The following KCND1 variants were observed in gnomAD, a reference collection of about 807,000 sequenced individuals.
KCND1 encodes A-type voltage-gated potassium channel KCND1.
In KCND1, 11 loss-of-function variants were observed where a neutral mutation model predicts 31.8. The ratio of observed to expected loss-of-function variants is 0.35; its 90% CI spans 0.22 to 0.57. The LOEUF (loss-of-function observed/expected upper bound fraction) is 0.57. Among genes scored for constraint, KCND1 ranks in the 20% least tolerant of loss-of-function variants. The pLI, the probability that KCND1 is intolerant of heterozygous loss-of-function variation, is 0.85. For synonymous variants in KCND1, 234 were observed against 248.1 expected (o/e 0.94, Z 0.53); for missense variants, 471 against 596.8 (o/e 0.79, Z 2.20).
rs1318796444 is a variant in KCND1, at chrX:48,963,138, C to CA, written c.1719-333dup. Among the ~76,000 whole-genome samples, 255 of 48,148 alleles carry CA rather than the reference C, an allele frequency of 5.3e-3. 1 individual carries two copies. Among genetic ancestry groups the CA allele is most frequent in the African/African-American group, 0.011 (134 of 12,266 alleles). 41.8% of individuals were successfully genotyped at this position (48,148 alleles called of 115,157 possible). ...GTGACGGAATGAGACTCTGTCTCAA[C>CA]AAAAAAAAAAAAAGAAAAAAAGTTA... On this transcript the variant is annotated intron_variant, in intron 5 of 5. Transcript: ENST00000218176.
At position 48,962,471 on chromosome X, in the gene KCND1, G is replaced by A. The variant is rs782224915; in HGVS notation, c.*110C>T. 11 of 511,046 alleles carry A rather than the reference G, an allele frequency of 2.2e-5. No individual in the cohort carries two copies. The highest frequency in any genetic ancestry group is 7.1e-5 in the African/African-American group (3 of 41,959). 42.1% of individuals were successfully genotyped at this position (511,046 alleles called of 1,213,427 possible). ...AACTCCATTGCATAGTTCTCAGTGG[G>A]GGGGGCAGAAGGGGTGCCCAAGCCT... On this transcript the variant is annotated 3_prime_UTR_variant, in exon 6 of 6. Coordinates refer to ENST00000218176, the MANE Select transcript of KCND1 (RefSeq NM_004979.6).
rs193284376 is a variant in KCND1 at position 48,969,420 on chromosome X, G to A, written c.852C>T (p.Asn284=). 137 of 1,209,388 alleles carry A rather than the reference G, an allele frequency of 1.1e-4. No homozygotes were observed. Among genetic ancestry groups the A allele is most frequent in the Middle Eastern group, 2.3e-4 (1 of 4,350 alleles). ...TGACAAAGGCGCCAGAGACATCGTC[G>A]TTCTTGGGCACCAAAAGCCCAATGT... ...PYYIGLLVPK[N]DDVSGAFVTL... The change falls in exon 1 of 6, where the codon AAC becomes AAT. Residue 284 remains asparagine (N), a synonymous_variant. Transcript: ENST00000218176.
Position 48,971,421 on chromosome X carries a change from C to A in KCND1, c.-1150G>T, listed in dbSNP as rs954202448. On this transcript the variant is annotated 5_prime_UTR_variant, in exon 1 of 6. Transcript: ENST00000218176. ...TTTGCAGGAAGCTGGCAGGAGACGC[C>A]GGGAGAAGGCTGGGTCCCACCGTTG... 9.0e-6 allele frequency: 1 copy of A among 110,885 alleles called. No individual in the cohort carries two copies. The allele number at this position is 110,885 out of a possible 1,213,427, so 9.1% of individuals were successfully genotyped here. A position where few individuals can be genotyped will look rare whatever the true frequency, so the allele number is the denominator to read the frequency against.
intron 5 of KCND1, among the ~76,000 whole-genome samples, chrX:48,963,261 C>T (rs782551975): frequency 2.7e-5 from 3 of 110,092 alleles, no homozygotes; most frequent in East Asian, 2.8e-4. Flanking sequence ...TCCTGGCTAA[C>T]GCGGTAAAGC....
rs782474157 is a variant in KCND1 at position 48,971,720 on chromosome X, T to C, written c.-1449A>G. 1.8e-5 allele frequency among the ~76,000 whole-genome samples: 2 copies of C among 109,064 alleles called. No homozygotes were observed. The highest frequency in any genetic ancestry group is 3.9e-5 in the Non-Finnish European group (2 of 51,942). 94.7% of individuals were successfully genotyped at this position (109,064 alleles called of 115,157 possible). A position where few individuals can be genotyped will look rare whatever the true frequency, so the allele number is the denominator to read the frequency against. On this transcript the variant is annotated 5_prime_UTR_variant, in exon 1 of 6. Transcript: ENST00000218176. ...GCGCTAGTGGTGGTCCCCCTCCCCC[T>C]CTCTCTCGGGGCGTCCTCACCTGTG...
chrX:48,969,793 G>T lies in KCND1; in HGVS notation c.479C>A (p.Pro160Gln), dbSNP rs782509726. The change falls in exon 1 of 6, where the codon CCA becomes CAA. Residue 160 changes from proline (P) to glutamine (Q), a missense_variant. Physicochemically the swap from Pro to Gln is moderately conservative, Grantham distance 76 (BLOSUM62 -1). This residue lies in a region of KCND1 where 212 missense variants were observed against 257.9 expected (regional missense o/e 0.82). Transcript: ENST00000218176. ...DEEAEQAGDG[P>Q]ALPAGSSLRQ... ...CAGGGAGCTGCCTGCTGGCAGGGCT[G>T]GGCCGTCCCCGGCCTGCTCTGCCTC... 9 of 1,207,044 alleles carry T rather than the reference G, an allele frequency of 7.5e-6. No individual in the cohort carries two copies. In the South Asian group the frequency reaches 1.6e-4, roughly 21 times the overall value.
intron 1 of KCND1, 41 bp from the exon 2 acceptor site, chrX:48,967,147 C>A: frequency 8.8e-7 from 1 of 1,141,001 alleles, no homozygotes; most frequent in South Asian, 1.8e-5. Context: ...GAAAAGTGCC[C>A]ACCTACCTTT....
rs782307815 is a variant in KCND1, at chrX:48,970,124, G to A, written c.148C>T (p.Arg50Cys). 5 of 1,209,490 alleles carry A rather than the reference G, an allele frequency of 4.1e-6. No individual in the cohort carries two copies. Among genetic ancestry groups the A allele is most frequent in the East Asian group, 3.0e-5 (1 of 33,709 alleles). Residue 50 changes from arginine (R) to cysteine (C), a missense_variant, in exon 1 of 6, where the codon CGC becomes TGC. By Grantham distance (180) the Arg-to-Cys change is radical. Around this residue, in one of 3 missense-constraint regions of KCND1, gnomAD observed 212 missense variants for 257.9 expected, o/e 0.82. Transcript: ENST00000218176. ...EVLVVNVSGR[R>C]FETWKNTLDR... ...AGCGTATTCTTCCAAGTCTCAAAGC[G>A]CCGTCCGCTCACGTTCACCACCAGA...
In KCND1 at chrX:48,969,190, G is replaced by T; in HGVS notation, c.1082C>A (p.Ala361Glu). 1 of 1,210,468 alleles carries T rather than the reference G, an allele frequency of 8.3e-7. No homozygotes were observed. The part of the protein sequence containing the change: ...TNKTNFTSIP[A>E]AFWYTIVTMT... ...GGTGACAATGGTATACCAGAAGGCC[G>T]CAGGGATGCTTGTAAAGTTGGTCTT... is the stretch of plus-strand genomic sequence containing the variant. Residue 361 changes from alanine to glutamate, a missense_variant, in exon 1 of 6, where the codon GCG becomes GAG. This residue lies in a region of KCND1 where 74 missense variants were observed against 154.2 expected (regional missense o/e 0.48). Transcript: ENST00000218176.
chrX:48,968,330 C>A (rs2064364968), intron 1 of KCND1: 1 of 110,696 alleles, frequency 9.0e-6, no homozygotes, highest in African/African-American at 3.3e-5. Flanking sequence ...CAGGGATCGA[C>A]AAAAAAATAA....
intron 1 of KCND1, chrX:48,967,576 G>A (rs1489324033): frequency 8.8e-6 from 1 of 113,242 alleles, no homozygotes; most frequent in African/African-American, 3.3e-5. Flanking sequence ...AAACAGGGAG[G>A]AGCCTTGAAA....
At chrX:48,966,393 C>A in intron 4 of KCND1, 88 bp from the exon 5 acceptor site, 1 of 1,098,548 alleles carries the variant, frequency 9.1e-7, no homozygotes, top group Non-Finnish European at 1.2e-6. Context: ...TTTCTCCTTT[C>A]TGGACATTGT....
At position 48,969,072 on chromosome X, in the gene KCND1, GATC is replaced by G. The variant is rs2064368743; in HGVS notation, c.1121+76_1121+78del. 2.4e-5 allele frequency: 24 copies of G among 990,274 alleles called. No individual in the cohort carries two copies. In the South Asian group the frequency reaches 5.4e-4, roughly 22 times the overall value. 81.6% of individuals were successfully genotyped at this position (990,274 alleles called of 1,213,427 possible). A position where few individuals can be genotyped will look rare whatever the true frequency, so the allele number is the denominator to read the frequency against. ...CCATTTAAAAAGAAAGAAAGAAAGA[GATC>G]ATTCCTTTAAACTTCCTAATTTTAC... is the stretch of plus-strand genomic sequence containing the variant. On this transcript the variant is annotated intron_variant, in intron 1 of 5. Transcript: ENST00000218176.
intron 5 of KCND1, 79 bp downstream of exon 5, chrX:48,965,976 G>A: frequency 3.7e-6 from 4 of 1,093,553 alleles, no homozygotes; most frequent in Non-Finnish European, 4.9e-6. Flanking sequence ...TGCTAGGCCT[G>A]GAGTTATGAA....
At chrX:48,967,839 AT>A (rs1458058829) in intron 1 of KCND1, 1 of 111,448 alleles carries the variant, frequency 9.0e-6, no homozygotes, top group Admixed American at 9.5e-5. Flanking sequence ...TTATTTCGGT[AT>A]TTTCACTCAT....
In KCND1 at chrX:48,971,772, G is replaced by A. The variant is rs1042110951; in HGVS notation, c.-1501C>T. On this transcript the variant is annotated 5_prime_UTR_variant, in exon 1 of 6. Transcript: ENST00000218176. Reference sequence around the variant, plus strand: ...CCCCGCTGCAGGAGCAGCAACAGCGGTGGGGCTGGGGGTACCAAACACCCG... The same window carrying A: ...CCCCGCTGCAGGAGCAGCAACAGCGATGGGGCTGGGGGTACCAAACACCCG... 1.8e-5 allele frequency among the ~76,000 whole-genome samples: 2 copies of A among 111,376 alleles called. No individual in the cohort carries two copies. Among genetic ancestry groups the A allele is most frequent in the East Asian group, 2.8e-4 (1 of 3,509 alleles).
rs1557058891 is a variant in KCND1, at chrX:48,971,163, G to A, written c.-892C>T. 2 of 109,102 alleles carry A rather than the reference G, an allele frequency of 1.8e-5. No individual in the cohort carries two copies. Among genetic ancestry groups the A allele is most frequent in the African/African-American group, 6.6e-5 (2 of 30,120 alleles). 9.0% of individuals were successfully genotyped at this position (109,102 alleles called of 1,213,427 possible). On this transcript the variant is annotated 5_prime_UTR_variant, in exon 1 of 6. Coordinates refer to ENST00000218176, the MANE Select transcript of KCND1 (RefSeq NM_004979.6). The stretch of plus-strand genomic sequence containing the variant: ...TCTGGGGGAGGTGGGTATCTAGACG[G>A]GCCAACAAAGCCTGGTCGACACTCT...
chrX:48,970,469 G>C lies in KCND1; in HGVS notation c.-198C>G, dbSNP rs2064381971. ...GTCTGGGGGACATTTACAGAACCTA[G>C]GAGGGGCCTGGGCAATGTTCTGAGG... On this transcript the variant is annotated 5_prime_UTR_variant, in exon 1 of 6. Transcript: ENST00000218176. The C allele has an allele frequency of 2.4e-6, 1 of 421,185 alleles. No individual in the cohort carries two copies. The highest frequency in any genetic ancestry group is 4.0e-6 in the Non-Finnish European group (1 of 247,454). 34.7% of individuals were successfully genotyped at this position (421,185 alleles called of 1,213,427 possible).
rs2147724635 is a variant in KCND1, at chrX:48,970,431, G to A, written c.-160C>T. 1 of 461,570 alleles carries A rather than the reference G, an allele frequency of 2.2e-6. No individual in the cohort carries two copies. Among genetic ancestry groups the A allele is most frequent in the East Asian group, 3.8e-5 (1 of 26,303 alleles). The allele number at this position is 461,570 out of a possible 1,213,427, so 38.0% of individuals were successfully genotyped here. A position where few individuals can be genotyped will look rare whatever the true frequency, so the allele number is the denominator to read the frequency against. Reference sequence around the variant, plus strand: ...AGAGGAACCAGGAGGAAGAACTAAAGAGATGGGAAGGAGTCTGGGGGACAT... The same window carrying A: ...AGAGGAACCAGGAGGAAGAACTAAAAAGATGGGAAGGAGTCTGGGGGACAT... On this transcript the variant is annotated 5_prime_UTR_variant, in exon 1 of 6. Transcript: ENST00000218176.
Sources: allele counts gnomAD v4.1 joint callset (sites outside exome capture counted in the v4.1 genomes callset), GRCh38; gene constraint gnomAD v4.1.1; regional missense constraint gnomAD v4.1.1; transcripts MANE v1.5; gene names NCBI Gene and HGNC (gene_info 2026-07-23, HGNC 2026-07-21).